The following DLG2 variants were observed in gnomAD, a reference collection of about 807,000 sequenced individuals.
The protein encoded by DLG2 is disks large homolog 2.
In DLG2, 45 loss-of-function variants were observed where a neutral mutation model predicts 132.5. That is an observed-to-expected ratio of 0.34 (90% confidence interval 0.27 to 0.44). The LOEUF (loss-of-function observed/expected upper bound fraction) is 0.44. Among genes scored for constraint, DLG2 ranks in the 20% least tolerant of loss-of-function variants. The pLI is 1.00. For missense variants in DLG2, 1,045 were observed against 1,196.9 expected, an observed-to-expected ratio of 0.87 and a Z score of 1.87; for synonymous variants, 424 against 419.6, an observed-to-expected ratio of 1.01 and a Z score of -0.13.
intron 7 of DLG2, among the ~76,000 whole-genome samples, chr11:84,293,177 G>C (rs2098032144): frequency 1.3e-5 from 2 of 151,908 alleles, no homozygotes; most frequent in African/African-American, 4.8e-5. Flanking sequence ...GGTGTGTGTT[G>C]GAAGTATTCT....
chr11:84,829,402 A>G (rs934908256), intron 6 of DLG2, among the ~76,000 whole-genome samples: 1 of 151,730 alleles, frequency 6.6e-6, no homozygotes, highest in African/African-American at 2.4e-5. Context: ...ATTCATAATG[A>G]ACATATTACA....
At chr11:84,181,052 C>T (rs1486342588) in intron 8 of DLG2, among the ~76,000 whole-genome samples, 5 of 151,694 alleles carry the variant, frequency 3.3e-5, no homozygotes, top group Non-Finnish European at 4.4e-5. Flanking sequence ...TAACAGATAA[C>T]AGTTTGTTCA....
At chr11:85,031,623 C>G in intron 6 of DLG2, among the ~76,000 whole-genome samples, 1 of 152,060 alleles carries the variant, frequency 6.6e-6, no homozygotes. Context: ...ATATTTAAAT[C>G]AGTGGTCTTC....
In DLG2 at chr11:83,733,134, G is replaced by A. The variant is rs144683455; in HGVS notation, c.1825+53556C>T. Among the ~76,000 whole-genome samples, 963 of 151,478 alleles carry A rather than the reference G, an allele frequency of 6.4e-3. 7 individuals carry two copies. The highest frequency in any genetic ancestry group is 0.022 in the African/African-American group (912 of 41,268). ...TGGGTGCTCGTAATCCCAGCTACTCGGGAGGCTGAGGCAGGAGAATCACTT... is the reference window on the plus strand; with the variant it reads ...TGGGTGCTCGTAATCCCAGCTACTCAGGAGGCTGAGGCAGGAGAATCACTT... On this transcript the variant is annotated intron_variant, in intron 18 of 27. Transcript: ENST00000376104.
chr11:84,204,433 C>T lies in DLG2; in HGVS notation c.574-40922G>A, dbSNP rs564262393. On this transcript the variant is annotated intron_variant, in intron 8 of 27. Transcript: ENST00000376104. ...AAGATGGATAGTATAATCTTCAGTGCAACTACTAAAAATTAATACAAGAAA... is the reference window on the plus strand; with the variant it reads ...AAGATGGATAGTATAATCTTCAGTGTAACTACTAAAAATTAATACAAGAAA... Among the ~76,000 whole-genome samples the T allele has an allele frequency of 4.6e-4, 70 of 151,930 alleles. 1 individual carries two copies. Among genetic ancestry groups the T allele is most frequent in the African/African-American group, 1.7e-3 (69 of 41,428 alleles).
intron 17 of DLG2, among the ~76,000 whole-genome samples, chr11:83,809,941 A>G (rs1353252313): frequency 6.6e-6 from 1 of 152,160 alleles, no homozygotes; most frequent in Non-Finnish European, 1.5e-5. Context: ...AGTTATGCAT[A>G]ATGAGAAAGT....
At chr11:83,633,743 A>AC (rs2064015104) in intron 18 of DLG2, among the ~76,000 whole-genome samples, 29 of 143,296 alleles carry the variant, frequency 2.0e-4, no homozygotes, top group Non-Finnish European at 4.0e-4. Flanking sequence ...CACAGAACTA[A>AC]ACACACACAC....
In DLG2 at chr11:84,592,595, T is replaced by C. The variant is rs145385917; in HGVS notation, c.358-57864A>G. Among the ~76,000 whole-genome samples the C allele has an allele frequency of 3.7e-3, 557 of 152,036 alleles. 14 individuals are homozygous for C. In the East Asian group the frequency reaches 0.049, roughly 13 times the overall value. On this transcript the variant is annotated intron_variant, in intron 6 of 27. Coordinates refer to ENST00000376104, the MANE Select transcript of DLG2 (RefSeq NM_001142699.3). ...TGACAAAGGGCTAATATCCAGAATC[T>C]ACAAGGAACTTAAACAAATTTACAA... is the stretch of plus-strand genomic sequence containing the variant.
intron 15 of DLG2, among the ~76,000 whole-genome samples, chr11:83,891,899 G>A (rs1453412236): frequency 6.6e-6 from 1 of 152,110 alleles, no homozygotes; most frequent in Non-Finnish European, 1.5e-5. Context: ...TCATGGAAAA[G>A]CCCCAGCTGT....
intron 6 of DLG2, among the ~76,000 whole-genome samples, chr11:84,544,972 A>AT (rs1207098370): frequency 6.6e-6 from 1 of 152,170 alleles, no homozygotes; most frequent in Non-Finnish European, 1.5e-5. Flanking sequence ...CAGTCCTTGA[A>AT]TTTTTTGTCC....
intron 10 of DLG2, among the ~76,000 whole-genome samples, chr11:84,082,321 TAATA>T (rs1483172275): frequency 3.3e-5 from 5 of 152,176 alleles, no homozygotes; most frequent in Admixed American, 1.3e-4. Flanking sequence ...TGAAGGAGTA[TAATA>T]AATAGAGGCT....
At chr11:85,603,226 T>C (rs910777991) in intron 2 of DLG2, among the ~76,000 whole-genome samples, 2 of 152,214 alleles carry the variant, frequency 1.3e-5, no homozygotes, top group African/African-American at 4.8e-5. Flanking sequence ...GGACAAATAT[T>C]TTAATCCCCA....
intron 6 of DLG2, among the ~76,000 whole-genome samples, chr11:84,610,244 T>C (rs1190943703): frequency 6.6e-6 from 1 of 152,010 alleles, no homozygotes; most frequent in Non-Finnish European, 1.5e-5. Flanking sequence ...TTATAACTTT[T>C]CTATAATAAA....
intron 6 of DLG2, among the ~76,000 whole-genome samples, chr11:84,678,554 T>A (rs2099720772): frequency 6.6e-6 from 1 of 152,102 alleles, no homozygotes; most frequent in Non-Finnish European, 1.5e-5. Context: ...TTGTCTATAC[T>A]GATGAATGAG....
chr11:83,584,139 C>T lies in DLG2; in HGVS notation c.1941-42281G>A, dbSNP rs563562717. ...ACAAAGCAAACCAGGTCTCTGTTTC[C>T]TATTATAGACTTTTGTACTGAGTCA... is the stretch of plus-strand genomic sequence containing the variant. On this transcript the variant is annotated intron_variant, in intron 19 of 27. Transcript: ENST00000376104. Among the ~76,000 whole-genome samples, 69 of 152,232 alleles carry T rather than the reference C, an allele frequency of 4.5e-4. No homozygotes were observed. In the East Asian group the frequency reaches 0.012, roughly 26 times the overall value.
intron 11 of DLG2, among the ~76,000 whole-genome samples, chr11:83,983,757 A>G (rs1169461980): frequency 6.6e-6 from 1 of 152,084 alleles, no homozygotes; most frequent in Admixed American, 6.6e-5. Context: ...TCAGATTTAC[A>G]ATTTGTTTAT....
intron 15 of DLG2, among the ~76,000 whole-genome samples, chr11:83,883,065 C>T (rs1367504551): frequency 2.0e-5 from 3 of 152,194 alleles, no homozygotes; most frequent in African/African-American, 7.2e-5. Flanking sequence ...TCCCAGCATG[C>T]TTGATTTCTT....
chr11:84,142,906 A>G lies in DLG2; in HGVS notation c.624+20555T>C, dbSNP rs73515766. 6.6e-5 allele frequency among the ~76,000 whole-genome samples: 10 copies of G among 152,100 alleles called. No individual in the cohort carries two copies. In the South Asian group the frequency reaches 1.7e-3, roughly 25 times the overall value. ...GTGACTTCTTGTCTTCCATAATTAC[A>G]TAAGCCAATTCTCATACTAAATCCC... is the stretch of plus-strand genomic sequence containing the variant. On this transcript the variant is annotated intron_variant, in intron 9 of 27. Coordinates refer to ENST00000376104, the MANE Select transcript of DLG2 (RefSeq NM_001142699.3).
chr11:84,714,597 CTTTCTCTTTCTCTTTCTCTTTCTCTT>C (rs1565749706), intron 6 of DLG2, among the ~76,000 whole-genome samples: 30 of 109,980 alleles, frequency 2.7e-4, no homozygotes, highest in African/African-American at 9.3e-4. Flanking sequence ...CTTTCTCTTT[CTTTCTCTTTCTCTTTCTCTTTCTCTT>C]TCTCTCTCTC....
Sources: allele counts gnomAD v4.1 joint callset (sites outside exome capture counted in the v4.1 genomes callset), GRCh38; gene constraint gnomAD v4.1.1; transcripts MANE v1.5; gene names NCBI Gene and HGNC (gene_info 2026-07-23, HGNC 2026-07-21).